CA13: variants seen among roughly 807,000 people sequenced by gnomAD.
CA13 encodes carbonic anhydrase 13.
In CA13, 21 loss-of-function variants were observed where a neutral mutation model predicts 31.5. That is an observed-to-expected ratio of 0.67 (90% confidence interval 0.47 to 0.96). The LOEUF (loss-of-function observed/expected upper bound fraction) is 0.96. CA13 is among the 40% of genes least tolerant of loss of function. CA13 has a pLI of 0.00. For synonymous variants in CA13, 117 were observed against 111.4 expected (o/e 1.05, Z -0.32); for missense variants, 315 against 318.9 (o/e 0.99, Z 0.09).
chr8:85,257,394 G>A (rs1012841234), intron 2 of CA13, among the ~76,000 whole-genome samples: 7 of 152,102 alleles, frequency 4.6e-5, no homozygotes, highest in Admixed American at 1.3e-4. Context: ...TAGGAAAATG[G>A]CCAGGGTTAG....
chr8:85,255,263 A>ATTT (rs111718621), intron 2 of CA13, among the ~76,000 whole-genome samples: 2 of 139,826 alleles, frequency 1.4e-5, no homozygotes, highest in African/African-American at 5.3e-5. Flanking sequence ...TAGCTCATGA[A>ATTT]TTTTTTTTTT....
In CA13 at chr8:85,258,280, CTA is replaced by C. The variant is rs1807328313; in HGVS notation, c.236-1139_236-1138del. 2.0e-5 allele frequency among the ~76,000 whole-genome samples: 3 copies of C among 152,002 alleles called. No homozygotes were observed. In the South Asian group the frequency reaches 6.2e-4, roughly 31 times the overall value. On this transcript the variant is annotated intron_variant, in intron 2 of 6. Coordinates refer to ENST00000321764, the MANE Select transcript of CA13 (RefSeq NM_198584.3). The stretch of plus-strand genomic sequence containing the variant: ...TTAATTAGGATGAGACAATTTAGGA[CTA>C]TGTTTTCTATTAAGAAGCTTTTCTA...
chr8:85,264,101 C>T (rs1327188109), intron 3 of CA13, among the ~76,000 whole-genome samples: 1 of 151,990 alleles, frequency 6.6e-6, no homozygotes, highest in African/African-American at 2.4e-5. Flanking sequence ...AAGTTTTATC[C>T]CAAAAGTTAG....
At chr8:85,265,993 T>C (rs1488527321) in intron 3 of CA13, among the ~76,000 whole-genome samples, 2 of 152,186 alleles carry the variant, frequency 1.3e-5, no homozygotes, top group Non-Finnish European at 2.9e-5. Flanking sequence ...AAACCTACTG[T>C]GTCGGAGGTT....
At chr8:85,273,534 A>C (rs534360403) in intron 6 of CA13, among the ~76,000 whole-genome samples, 1 of 152,238 alleles carries the variant, frequency 6.6e-6, no homozygotes, top group East Asian at 1.9e-4. Context: ...CCTCAGGCCC[A>C]GTCCCAAGGC....
chr8:85,277,438 C>G (rs1381232785), intron 6 of CA13, among the ~76,000 whole-genome samples: 1 of 152,124 alleles, frequency 6.6e-6, no homozygotes, highest in Non-Finnish European at 1.5e-5. Context: ...TGAGCACATC[C>G]TAGCATCAGA....
chr8:85,265,775 G>A (rs1444597494), intron 3 of CA13, among the ~76,000 whole-genome samples: 2 of 152,158 alleles, frequency 1.3e-5, no homozygotes, highest in Non-Finnish European at 2.9e-5. Context: ...ATTGCATTGT[G>A]CCCCATAAAT....
intron 6 of CA13, among the ~76,000 whole-genome samples, chr8:85,275,272 G>T (rs969199436): frequency 6.6e-6 from 1 of 152,150 alleles, no homozygotes; most frequent in Non-Finnish European, 1.5e-5. Flanking sequence ...TTTCACCTAG[G>T]CATGATGAGT....
chr8:85,268,557 C>A lies in CA13; in HGVS notation c.599C>A (p.Thr200Lys), dbSNP rs749624864. 1.2e-6 allele frequency: 2 copies of A among 1,613,974 alleles called. No homozygotes were observed. The highest frequency in any genetic ancestry group is 1.7e-6 in the Non-Finnish European group (2 of 1,179,880). The change falls in exon 6 of 7, where the codon ACA (threonine) becomes AAA (lysine). Residue 200 changes from threonine (T) to lysine (K), a missense_variant. Coordinates refer to ENST00000321764, the MANE Select transcript of CA13 (RefSeq NM_198584.3). ...TACTGGACATATCCTGGTTCTCTTACAGTTCCACCTCTTCTTGAGAGTGTC... is the reference window on the plus strand; with the variant it reads ...TACTGGACATATCCTGGTTCTCTTAAAGTTCCACCTCTTCTTGAGAGTGTC... ...WDYWTYPGSL[T>K]VPPLLESVTW...
chr8:85,275,486 C>T (rs182532717), intron 6 of CA13, among the ~76,000 whole-genome samples: 1 of 151,940 alleles, frequency 6.6e-6, no homozygotes, highest in East Asian at 1.9e-4. Context: ...ATGGTAAGGG[C>T]GATGCGTTCT....
intron 2 of CA13, 144 bp from the exon 3 acceptor site, chr8:85,259,277 C>G (rs1218230791): frequency 1.5e-6 from 1 of 651,922 alleles, no homozygotes; most frequent in Non-Finnish European, 2.8e-6. Context: ...AAGTGGTATT[C>G]TTGTCAGCAA....
intron 4 of CA13, chr8:85,267,206 C>T (rs542901728): frequency 2.0e-6 from 2 of 985,338 alleles, no homozygotes; most frequent in African/African-American, 3.5e-5. Context: ...TCTGCCTCCA[C>T]ATTCTTGTAG....
chr8:85,245,877 T>C lies in CA13; in HGVS notation c.37+12T>C. ...CCGCGAGCACAACGGTGAGCGCCTT[T>C]TCCTGATCCAAGGGGGGGTTTGTGC... On this transcript the variant is annotated intron_variant, in intron 1 of 6. Coordinates refer to ENST00000321764, the MANE Select transcript of CA13 (RefSeq NM_198584.3). 1 of 1,614,004 alleles carries C rather than the reference T, an allele frequency of 6.2e-7. No individual in the cohort carries two copies. The highest frequency in any genetic ancestry group is 8.5e-7 in the Non-Finnish European group (1 of 1,179,944).
chr8:85,252,315 A>G (rs1423239761), intron 2 of CA13, among the ~76,000 whole-genome samples: 2 of 152,198 alleles, frequency 1.3e-5, no homozygotes, highest in East Asian at 1.9e-4. Context: ...CTATGCTTGT[A>G]TCGTAATTTA....
chr8:85,261,589 G>A (rs531147630), intron 3 of CA13, among the ~76,000 whole-genome samples: 2 of 152,086 alleles, frequency 1.3e-5, no homozygotes, highest in African/African-American at 4.8e-5. Flanking sequence ...ACCATGCCTG[G>A]CTAATTTTGT....
At chr8:85,278,111 AATT>A (rs1280743612) in intron 6 of CA13, among the ~76,000 whole-genome samples, 1 of 151,546 alleles carries the variant, frequency 6.6e-6, no homozygotes, top group Non-Finnish European at 1.5e-5. Context: ...AAAAAAAAAA[AATT>A]AGCTGGGCGT....
intron 6 of CA13, among the ~76,000 whole-genome samples, chr8:85,276,625 T>TG (rs1219877643): frequency 6.6e-6 from 1 of 151,954 alleles, no homozygotes; most frequent in Non-Finnish European, 1.5e-5. Flanking sequence ...GGTTTATGAA[T>TG]GCACCAATGG....
rs1353547147 is a variant in CA13, at chr8:85,266,692, G to C, written c.439G>C (p.Val147Leu). ...ACCAGATGGACTGGCTGTCTTGGGAGTGTTTTTACAGGTGAGAATCTACTG... is the reference window on the plus strand; with the variant it reads ...ACCAGATGGACTGGCTGTCTTGGGACTGTTTTTACAGGTGAGAATCTACTG... ...HEPDGLAVLG[V>L]FLQIGEPNSQ... The change falls in exon 4 of 7, where the codon GTG becomes CTG. Residue 147 changes from valine to leucine, a missense_variant. Transcript: ENST00000321764. The C allele has an allele frequency of 2.5e-6, 4 of 1,613,254 alleles. No homozygotes were observed. Among genetic ancestry groups the C allele is most frequent in the Admixed American group, 1.7e-5 (1 of 59,948 alleles).
chr8:85,249,546 T>C (rs557453544), intron 1 of CA13, among the ~76,000 whole-genome samples: 9 of 152,190 alleles, frequency 5.9e-5, no homozygotes, highest in African/African-American at 2.2e-4. Flanking sequence ...TTGTTGATGA[T>C]TGTGATATAT....
Sources: allele counts gnomAD v4.1 joint callset (sites outside exome capture counted in the v4.1 genomes callset), GRCh38; gene constraint gnomAD v4.1.1; transcripts MANE v1.5; gene names NCBI Gene and HGNC (gene_info 2026-07-23, HGNC 2026-07-21).